CTNNA2: variants seen among roughly 807,000 people sequenced by gnomAD.
CTNNA2 encodes catenin alpha 2.
Under a neutral mutation model 101.0 loss-of-function variants are expected in CTNNA2, and 42 were observed. The ratio of observed to expected loss-of-function variants is 0.42; its 90% CI spans 0.32 to 0.54. The LOEUF (loss-of-function observed/expected upper bound fraction) is 0.54. Among genes scored for constraint, CTNNA2 ranks in the 20% least tolerant of loss-of-function variants. The probability of loss-of-function intolerance (pLI) is 0.14; values close to 1 mark genes in which losing one functional copy is unlikely to be tolerated. For synonymous variants in CTNNA2, 450 were observed against 456.4 expected (o/e 0.99, Z 0.18); for missense variants, 871 against 1,223.1 (o/e 0.71, Z 4.29).
chr2:79,367,165 T>G (rs1897782), intron 3 of CTNNA2, among the ~76,000 whole-genome samples: 116,032 of 152,006 alleles, frequency 0.76, 44,561 homozygotes, highest in East Asian at 0.96. Context: ...TCACAGAAAG[T>G]CCATGTGGGG....
intron 9 of CTNNA2, among the ~76,000 whole-genome samples, chr2:80,455,793 A>G (rs1484080066): frequency 6.6e-6 from 1 of 152,208 alleles, no homozygotes; most frequent in African/African-American, 2.4e-5. Context: ...TACCAGCAGA[A>G]TGTCAGATGA....
chr2:80,585,857 A>G (rs1303701723), intron 14 of CTNNA2, among the ~76,000 whole-genome samples: 2 of 152,208 alleles, frequency 1.3e-5, no homozygotes, highest in African/African-American at 4.8e-5. Flanking sequence ...TTTTAAGAAT[A>G]TTTAGGAAGA....
At chr2:80,338,083 G>A (rs983984703) in intron 7 of CTNNA2, among the ~76,000 whole-genome samples, 1 of 151,990 alleles carries the variant, frequency 6.6e-6, no homozygotes, top group Admixed American at 6.5e-5. Flanking sequence ...CTGCCTCTTG[G>A]GTTCAAGAGA....
chr2:79,203,578 T>C (rs1321224782), intron 2 of CTNNA2, among the ~76,000 whole-genome samples: 1 of 152,184 alleles, frequency 6.6e-6, no homozygotes, highest in Non-Finnish European at 1.5e-5. Flanking sequence ...ATGAACAGGC[T>C]CTGGAACCCA....
chr2:80,455,815 A>G (rs919009207), intron 9 of CTNNA2, among the ~76,000 whole-genome samples: 2 of 152,144 alleles, frequency 1.3e-5, no homozygotes, highest in Admixed American at 6.6e-5. Context: ...GGGAGGAGGA[A>G]TGGTGTGTCT....
At position 80,128,232 on chromosome 2, in the gene CTNNA2, C is replaced by A. The variant is rs77414319; in HGVS notation, c.1056+218435C>A. ...CCAGAGCCAGTCAGGCTGTGAAAAC[C>A]GAAGCCTGGTGCTCTAATGGTGGAA... On this transcript the variant is annotated intron_variant, in intron 7 of 18. Coordinates refer to ENST00000402739, the MANE Select transcript of CTNNA2 (RefSeq NM_001282597.3). Among the ~76,000 whole-genome samples, 527 of 152,200 alleles carry A rather than the reference C, an allele frequency of 3.5e-3. 2 individuals carry two copies. Among genetic ancestry groups the A allele is most frequent in the African/African-American group, 0.011 (471 of 41,524 alleles).
intron 9 of CTNNA2, among the ~76,000 whole-genome samples, chr2:80,423,645 A>C (rs1340351175): frequency 6.6e-6 from 1 of 152,176 alleles, no homozygotes; most frequent in Non-Finnish European, 1.5e-5. Flanking sequence ...TGGGATGTTA[A>C]TATTGATGAT....
intron 3 of CTNNA2, among the ~76,000 whole-genome samples, chr2:79,769,691 C>T (rs1673431629): frequency 6.8e-6 from 1 of 147,766 alleles, no homozygotes; most frequent in Non-Finnish European, 1.5e-5. Flanking sequence ...TAAATTCTTT[C>T]TTAAAGGATG....
At chr2:79,491,122 A>T (rs2104564627) in intron 4 of CTNNA2, among the ~76,000 whole-genome samples, 1 of 152,264 alleles carries the variant, frequency 6.6e-6, no homozygotes, top group Middle Eastern at 3.4e-3. Flanking sequence ...TTTCAATAAC[A>T]TTTGTTGTCT....
chr2:80,347,479 A>G (rs1672845062), intron 7 of CTNNA2, among the ~76,000 whole-genome samples: 1 of 152,218 alleles, frequency 6.6e-6, no homozygotes. Context: ...GGAGAGGAGC[A>G]GTCACATGAA....
chr2:79,608,907 T>C (rs1247865617), intron 1 of CTNNA2, among the ~76,000 whole-genome samples: 5 of 151,912 alleles, frequency 3.3e-5, no homozygotes, highest in Non-Finnish European at 7.4e-5. Flanking sequence ...ACTTAGCCAG[T>C]ATAATTAGGG....
rs145116734 is a variant in CTNNA2, at chr2:80,125,639, C to T, written c.1056+215842C>T. ...TCCCAGGTGGCAAGAGAATGGTTCT[C>T]ATCAGACTCCTTCATGAAGCTGGCT... On this transcript the variant is annotated intron_variant, in intron 7 of 18. Transcript: ENST00000402739. Among the ~76,000 whole-genome samples the T allele has an allele frequency of 1.7e-4, 26 of 152,306 alleles. No homozygotes were observed. The East Asian group carries it at 4.4e-3, about 26-fold the overall frequency.
chr2:79,730,030 T>A (rs570983757), intron 2 of CTNNA2, among the ~76,000 whole-genome samples: 1 of 152,242 alleles, frequency 6.6e-6, no homozygotes, highest in African/African-American at 2.4e-5. Context: ...TAAAACCAAT[T>A]GATTTTAGTT....
chr2:80,596,009 T>G (rs1696916539), intron 15 of CTNNA2, among the ~76,000 whole-genome samples: 1 of 152,158 alleles, frequency 6.6e-6, no homozygotes, highest in South Asian at 2.1e-4. Flanking sequence ...GGAATGTTTT[T>G]CCATTTGTTT....
intron 7 of CTNNA2, among the ~76,000 whole-genome samples, chr2:80,196,391 G>A (rs1706835487): frequency 6.6e-6 from 1 of 152,014 alleles, no homozygotes; most frequent in Non-Finnish European, 1.5e-5. Flanking sequence ...GTGACCTTGT[G>A]CCCCTACCTC....
chr2:80,303,385 C>T lies in CTNNA2; in HGVS notation c.1057-89826C>T, dbSNP rs761682948. 7 of 1,614,152 alleles carry T rather than the reference C, an allele frequency of 4.3e-6. No individual in the cohort carries two copies. Among genetic ancestry groups the T allele is most frequent in the Admixed American group, 3.3e-5 (2 of 60,024 alleles). ...GCGCGAGCGCCTGCAGCTTGTTGTA[C>T]GAGAGGTCCACGCTGCGCAGGTTGG... On this transcript the variant is annotated intron_variant, in intron 7 of 18. Coordinates refer to ENST00000402739, the MANE Select transcript of CTNNA2 (RefSeq NM_001282597.3). This position sits in a 1 kb window ranked among gnomAD's most constrained non-coding sequence, Gnocchi z 7.7.
At chr2:80,330,730 C>A (rs1331078487) in intron 7 of CTNNA2, among the ~76,000 whole-genome samples, 1 of 152,060 alleles carries the variant, frequency 6.6e-6, no homozygotes, top group African/African-American at 2.4e-5. Context: ...TCCATTGCCA[C>A]CAAGAGTCTT....
chr2:80,521,185 A>G (rs1351227130), intron 9 of CTNNA2, among the ~76,000 whole-genome samples: 2 of 152,098 alleles, frequency 1.3e-5, no homozygotes, highest in Non-Finnish European at 2.9e-5. Flanking sequence ...TCCTCTACCT[A>G]ACCCTGGAGA....
intron 9 of CTNNA2, among the ~76,000 whole-genome samples, chr2:80,525,275 G>A (rs928876932): frequency 6.6e-6 from 1 of 151,826 alleles, no homozygotes; most frequent in Non-Finnish European, 1.5e-5. Context: ...CTCCTGCCTG[G>A]TTGGATGGGC....
Sources: gnomAD v4.1 joint callset for allele counts (sites outside exome capture counted in the v4.1 genomes callset) on GRCh38, gnomAD v4.1.1 for gene constraint, Gnocchi (gnomAD v3.1) non-coding constraint, MANE v1.5 for transcripts, NCBI Gene and HGNC (gene_info 2026-07-23, HGNC 2026-07-21) for gene names.